The following NCKAP5 variants were observed in gnomAD, a reference collection of about 807,000 sequenced individuals.
NCKAP5 encodes the protein NCK associated protein 5.
In NCKAP5, 92 loss-of-function variants were observed where a neutral mutation model predicts 167.0. The observed-to-expected ratio is 0.55, with a 90% CI of 0.47 to 0.66. The LOEUF is 0.66. Among genes scored for constraint, NCKAP5 ranks in the 30% least tolerant of loss-of-function variants. NCKAP5 has a pLI of 0.00. For missense variants in NCKAP5, 2,378 were observed against 2,315.0 expected (o/e 1.03, Z -0.56); for synonymous variants, 891 against 877.4 (o/e 1.02, Z -0.27).
chr2:133,317,488 GT>G (rs901085765), intron 3 of NCKAP5, among the ~76,000 whole-genome samples: 5 of 152,118 alleles, frequency 3.3e-5, no homozygotes, highest in Non-Finnish European at 5.9e-5. Flanking sequence ...GCTGGGTGGG[GT>G]TTTGGGGTTG....
chr2:133,339,338 A>G (rs536044552), intron 3 of NCKAP5, among the ~76,000 whole-genome samples: 103 of 152,342 alleles, frequency 6.8e-4, no homozygotes, highest in African/African-American at 2.4e-3. Flanking sequence ...GGGAAAAAAA[A>G]AAATTCTATG....
rs79214592 is a variant in NCKAP5 at position 133,171,227 on chromosome 2, T to C, written c.208-41116A>G. On this transcript the variant is annotated intron_variant, in intron 5 of 19. Transcript: ENST00000409261. ...ACATGAAACCCACAAAAGGAGACAGTTGTTTTTGTGGAATGATAAAGAGAA... is the reference window on the plus strand; with the variant it reads ...ACATGAAACCCACAAAAGGAGACAGCTGTTTTTGTGGAATGATAAAGAGAA... 6.6e-5 allele frequency among the ~76,000 whole-genome samples: 10 copies of C among 152,240 alleles called. No individual in the cohort carries two copies. The East Asian group carries it at 1.9e-3, about 29-fold the overall frequency.
chr2:133,043,521 T>C (rs968760995), intron 6 of NCKAP5, among the ~76,000 whole-genome samples: 1 of 151,842 alleles, frequency 6.6e-6, no homozygotes, highest in Admixed American at 6.6e-5. Flanking sequence ...GCTGATGAGC[T>C]AAAAAAAATT....
At chr2:133,476,403 G>T (rs1026795057) in intron 3 of NCKAP5, among the ~76,000 whole-genome samples, 1 of 152,146 alleles carries the variant, frequency 6.6e-6, no homozygotes, top group African/African-American at 2.4e-5. Context: ...ATTAACCAAG[G>T]TTCATCAATT....
At position 132,683,104 on chromosome 2, in the gene NCKAP5, G is replaced by C. The variant is rs910287196; in HGVS notation, c.5714-9799C>G. On this transcript the variant is annotated intron_variant, in intron 19 of 19. Transcript: ENST00000409261. ...TCACCATGTTGGCCAGGCTGGTTTC[G>C]AATACCTGACCTCAGGCCATCCACC... Among the ~76,000 whole-genome samples, 4 of 151,806 alleles carry C rather than the reference G, an allele frequency of 2.6e-5. 1 individual carries two copies. The highest frequency in any genetic ancestry group is 6.3e-3 in the Middle Eastern group (2 of 316).
At chr2:133,023,772 C>T (rs1465373620) in intron 6 of NCKAP5, among the ~76,000 whole-genome samples, 1 of 152,174 alleles carries the variant, frequency 6.6e-6, no homozygotes, top group Admixed American at 6.5e-5. Flanking sequence ...CTGCAGAGGA[C>T]ATGATTTCAT....
intron 6 of NCKAP5, among the ~76,000 whole-genome samples, chr2:133,064,893 A>G (rs2080135795): frequency 6.6e-6 from 1 of 152,228 alleles, no homozygotes; most frequent in East Asian, 1.9e-4. Flanking sequence ...ATTAAAGTGA[A>G]TGGACTACTC....
chr2:132,993,754 T>TTAA (rs1266427927), intron 7 of NCKAP5, among the ~76,000 whole-genome samples: 1 of 152,226 alleles, frequency 6.6e-6, no homozygotes, highest in Non-Finnish European at 1.5e-5. Context: ...CAGGCCCACC[T>TTAA]TAAATGTCAC....
intron 16 of NCKAP5, among the ~76,000 whole-genome samples, chr2:132,770,369 AT>A (rs1681923161): frequency 6.8e-6 from 1 of 148,120 alleles, no homozygotes; most frequent in African/African-American, 2.5e-5. Context: ...TATATTATAT[AT>A]TGTATATATT....
intron 6 of NCKAP5, among the ~76,000 whole-genome samples, chr2:133,026,153 A>G (rs2078688868): frequency 1.3e-5 from 2 of 151,760 alleles, no homozygotes; most frequent in African/African-American, 4.8e-5. Context: ...ACTTTTGAGA[A>G]GTGTCTGTTC....
Position 133,110,746 on chromosome 2 carries a change from G to T in NCKAP5, c.341+19232C>A, listed in dbSNP as rs565534778. On this transcript the variant is annotated intron_variant, in intron 6 of 19. Coordinates refer to ENST00000409261, the MANE Select transcript of NCKAP5 (RefSeq NM_207363.3). ...AATACAAAGTCAGAGTTACAACTTT[G>T]CCCCCGTATTCTCACACGCTGTGTT... Among the ~76,000 whole-genome samples the T allele has an allele frequency of 6.6e-5, 10 of 152,224 alleles. No homozygotes were observed. The East Asian group carries it at 1.9e-3, about 29-fold the overall frequency.
intron 2 of NCKAP5, among the ~76,000 whole-genome samples, chr2:133,542,862 C>T (rs1306480557): frequency 6.6e-6 from 1 of 152,250 alleles, no homozygotes; most frequent in East Asian, 1.9e-4. Flanking sequence ...GATATAAAAT[C>T]ACTTAAGTTA....
chr2:133,055,679 T>C (rs551258782), intron 6 of NCKAP5, among the ~76,000 whole-genome samples: 40 of 152,236 alleles, frequency 2.6e-4, no homozygotes, highest in African/African-American at 9.4e-4. Context: ...AATGAGAATG[T>C]TGGGCATCAT....
At chr2:132,862,767 A>G (rs1430009954) in intron 10 of NCKAP5, among the ~76,000 whole-genome samples, 3 of 128,232 alleles carry the variant, frequency 2.3e-5, no homozygotes, top group African/African-American at 9.5e-5. Flanking sequence ...CCCAGTCTCA[A>G]AAAAAAAAAA....
At chr2:133,203,068 C>T (rs1343623317) in intron 5 of NCKAP5, among the ~76,000 whole-genome samples, 1 of 152,146 alleles carries the variant, frequency 6.6e-6, no homozygotes, top group Admixed American at 6.5e-5. Context: ...ATAAATCATG[C>T]TGCTGTAAAG....
At chr2:133,037,387 C>A (rs1478330858) in intron 6 of NCKAP5, among the ~76,000 whole-genome samples, 1 of 152,112 alleles carries the variant, frequency 6.6e-6, no homozygotes, top group African/African-American at 2.4e-5. Context: ...CATTACTTGA[C>A]TTCAAATTAT....
chr2:133,283,353 T>C (rs1352032330), intron 4 of NCKAP5, among the ~76,000 whole-genome samples: 1 of 152,112 alleles, frequency 6.6e-6, no homozygotes, highest in Non-Finnish European at 1.5e-5. Flanking sequence ...CCCCAGTAAT[T>C]CAGCAGCACA....
At chr2:133,086,242 G>A (rs1305787145) in intron 6 of NCKAP5, among the ~76,000 whole-genome samples, 3 of 152,166 alleles carry the variant, frequency 2.0e-5, no homozygotes, top group Non-Finnish European at 4.4e-5. Flanking sequence ...AAACTCAGCT[G>A]AGAAGTTTTC....
chr2:132,975,415 T>C (rs1490065180), intron 7 of NCKAP5, among the ~76,000 whole-genome samples: 1 of 152,224 alleles, frequency 6.6e-6, no homozygotes, highest in Non-Finnish European at 1.5e-5. Flanking sequence ...GCCGATTGTC[T>C]TCCATATTGA....
Sources: allele counts gnomAD v4.1 joint callset (sites outside exome capture counted in the v4.1 genomes callset), GRCh38; gene constraint gnomAD v4.1.1; transcripts MANE v1.5; gene names NCBI Gene and HGNC (gene_info 2026-07-23, HGNC 2026-07-21).